The following ZNF136 variants were observed in gnomAD, a reference collection of about 807,000 sequenced individuals.
ZNF136 encodes zinc finger protein 136 (clone pHZ-20).
Under a neutral mutation model 11.4 loss-of-function variants are expected in ZNF136, and 8 were observed. The ratio of observed to expected loss-of-function variants is 0.70; its 90% confidence interval spans 0.41 to 1.27. The LOEUF is 1.27. Ranked by LOEUF, ZNF136 falls within the 50% of genes most tolerant of loss-of-function variation. The pLI is 0.01. For synonymous variants in ZNF136, 190 were observed against 207.1 expected (o/e 0.92, Z 0.71); for missense variants, 590 against 656.5 (o/e 0.90, Z 1.11).
chr19:12,164,035 C>A (rs1243626911), intron 1 of ZNF136, among the ~76,000 whole-genome samples: 1 of 152,158 alleles, frequency 6.6e-6, no homozygotes, highest in Non-Finnish European at 1.5e-5. Context: ...CTGCCCACAG[C>A]TGCCAAGTCT....
At chr19:12,170,715 G>C (rs545356078) in intron 1 of ZNF136, among the ~76,000 whole-genome samples, 3 of 151,374 alleles carry the variant, frequency 2.0e-5, no homozygotes, top group East Asian at 3.9e-4. Flanking sequence ...GCCAGGCCAG[G>C]CTGGAGTGCA....
rs548350866 is a variant in ZNF136, at chr19:12,168,413, G to A, written c.3+5207G>A. ...GATCACAGTAAAGGGGGAGAGGCTGGATATTGAGTTCTGTTAATGTAAAAA... is the reference window on the plus strand; with the variant it reads ...GATCACAGTAAAGGGGGAGAGGCTGAATATTGAGTTCTGTTAATGTAAAAA... On this transcript the variant is annotated intron_variant, in intron 1 of 3. Transcript: ENST00000343979. Among the ~76,000 whole-genome samples the A allele has an allele frequency of 8.5e-5, 13 of 152,150 alleles. 1 individual carries two copies. The South Asian group carries it at 2.7e-3, about 32-fold the overall frequency.
rs200576697 is a variant in ZNF136 at position 12,183,147 on chromosome 19, GT to G, written c.4-2629del. ...ATTTTGTTGTTGTTGTTGTTGTTTTGTTTTTTTTTGGTTTGTTTGTTTGAGA... is the reference window on the plus strand; with the variant it reads ...ATTTTGTTGTTGTTGTTGTTGTTTTGTTTTTTTTGGTTTGTTTGTTTGAGA... On this transcript the variant is annotated intron_variant, in intron 1 of 3. Transcript: ENST00000343979. Among the ~76,000 whole-genome samples, 31 of 149,416 alleles carry G rather than the reference GT, an allele frequency of 2.1e-4. No homozygotes were observed. In the East Asian group the frequency reaches 5.9e-3, roughly 28 times the overall value.
chr19:12,187,215 C>G lies in ZNF136; in HGVS notation c.837C>G (p.Pro279=). Residue 279 remains proline, a synonymous_variant, in exon 4 of 4, where the codon CCC becomes CCG. Transcript: ENST00000343979. ...AAAGAATTCACACTGGAGAAAAACC[C>G]TTTAAATGTAAGCAATGTGGTAAAG... The part of the protein sequence containing the change: ...VHERIHTGEK[P]FKCKQCGKAF... The G allele has an allele frequency of 6.2e-7, 1 of 1,612,724 alleles. No individual in the cohort carries two copies. Among genetic ancestry groups the G allele is most frequent in the Non-Finnish European group, 8.5e-7 (1 of 1,179,650 alleles).
rs1190120558 is a variant in ZNF136, at chr19:12,188,952, T to C, written c.*951T>C. The C allele has an allele frequency of 1.3e-5, 2 of 152,238 alleles. No homozygotes were observed. The highest frequency in any genetic ancestry group is 4.8e-5 in the African/African-American group (2 of 41,462). 9.4% of individuals were successfully genotyped at this position (152,238 alleles called of 1,614,324 possible). On this transcript the variant is annotated 3_prime_UTR_variant, in exon 4 of 4. Transcript: ENST00000343979. ...TATGTATATTTTGTTAATTAGTGGC[T>C]CATATTTAAAATAGTTCTCTGACTA...
chr19:12,186,045 G>A, intron 2 of ZNF136, 69 bp from the exon 3 acceptor site: 1 of 1,591,676 alleles, frequency 6.3e-7, no homozygotes, highest in Non-Finnish European at 8.6e-7. Flanking sequence ...AGGGTATCAT[G>A]AACCTAGAAT....
intron 1 of ZNF136, among the ~76,000 whole-genome samples, chr19:12,164,379 C>G (rs1977155587): frequency 6.6e-6 from 1 of 151,826 alleles, no homozygotes; most frequent in Non-Finnish European, 1.5e-5. Context: ...TCAAGCGATT[C>G]TCCTGCCTCA....
intron 1 of ZNF136, among the ~76,000 whole-genome samples, chr19:12,173,833 A>C (rs975801357): frequency 6.6e-6 from 1 of 151,916 alleles, no homozygotes; most frequent in African/African-American, 2.4e-5. Flanking sequence ...TGCTGTCCCC[A>C]GGTAGATAGC....
intron 1 of ZNF136, chr19:12,184,748 A>T (rs1434685294): frequency 6.6e-6 from 1 of 152,138 alleles, no homozygotes; most frequent in African/African-American, 2.4e-5. Flanking sequence ...CTGGGGGCTC[A>T]TCAGGTGGGC....
intron 1 of ZNF136, among the ~76,000 whole-genome samples, chr19:12,180,549 C>T (rs1368339035): frequency 1.3e-5 from 2 of 151,924 alleles, no homozygotes; most frequent in Admixed American, 6.6e-5. Flanking sequence ...TGAGATAATA[C>T]GGAAGCTGAG....
chr19:12,168,879 T>A (rs957296086), intron 1 of ZNF136, among the ~76,000 whole-genome samples: 7 of 152,080 alleles, frequency 4.6e-5, no homozygotes, highest in Non-Finnish European at 1.0e-4. Flanking sequence ...GGTTTTACCA[T>A]GTTGGCCACG....
intron 1 of ZNF136, among the ~76,000 whole-genome samples, chr19:12,182,283 G>C (rs1041258667): frequency 4.6e-5 from 7 of 151,920 alleles, no homozygotes; most frequent in African/African-American, 1.7e-4. Flanking sequence ...ACCCTTATCA[G>C]AATGCCTTTG....
At chr19:12,166,972 A>G (rs553816652) in intron 1 of ZNF136, among the ~76,000 whole-genome samples, 20 of 152,368 alleles carry the variant, frequency 1.3e-4, no homozygotes, top group African/African-American at 4.8e-4. Flanking sequence ...AAGATCTGCA[A>G]AGATCTGAAA....
intron 1 of ZNF136, among the ~76,000 whole-genome samples, chr19:12,168,012 G>C (rs17001828): frequency 7.3e-6 from 1 of 136,994 alleles, no homozygotes; most frequent in African/African-American, 2.6e-5. Flanking sequence ...AAAAAATAAA[G>C]CCAGATACTG....
At chr19:12,165,533 A>G (rs766795068) in intron 1 of ZNF136, among the ~76,000 whole-genome samples, 33 of 152,296 alleles carry the variant, frequency 2.2e-4, no homozygotes, top group Non-Finnish European at 4.3e-4. Flanking sequence ...AACGGCTTGT[A>G]TCTGTATTTC....
At position 12,177,404 on chromosome 19, in the gene ZNF136, G is replaced by A. The variant is rs140710287; in HGVS notation, c.4-8381G>A. 1.9e-4 allele frequency among the ~76,000 whole-genome samples: 29 copies of A among 152,262 alleles called. 1 individual carries two copies. The highest frequency in any genetic ancestry group is 6.3e-4 in the African/African-American group (26 of 41,550). Reference sequence around the variant, plus strand: ...GTAGCCCAGGCTGAAGTGCAGTGGCGCGATCTCGGCTCACTACAACCTCTA... The same window carrying A: ...GTAGCCCAGGCTGAAGTGCAGTGGCACGATCTCGGCTCACTACAACCTCTA... On this transcript the variant is annotated intron_variant, in intron 1 of 3. Transcript: ENST00000343979.
chr19:12,171,974 CTCTCTT>C (rs1914665163), intron 1 of ZNF136, among the ~76,000 whole-genome samples: 4 of 148,170 alleles, frequency 2.7e-5, no homozygotes, highest in Non-Finnish European at 4.5e-5. Context: ...TTTTCTCTCT[CTCTCTT>C]TTTTTTTTTT....
At chr19:12,175,955 A>G (rs1914779764) in intron 1 of ZNF136, among the ~76,000 whole-genome samples, 1 of 152,014 alleles carries the variant, frequency 6.6e-6, no homozygotes, top group Non-Finnish European at 1.5e-5. Context: ...CGGGCATGTG[A>G]TCATGAAATT....
chr19:12,183,710 C>T (rs989948436), intron 1 of ZNF136, among the ~76,000 whole-genome samples: 5 of 152,142 alleles, frequency 3.3e-5, no homozygotes, highest in Admixed American at 6.5e-5. Context: ...GCAGTCCTCT[C>T]ACCTCAGCCT....
Sources: allele counts gnomAD v4.1 joint callset (sites outside exome capture counted in the v4.1 genomes callset), GRCh38; gene constraint gnomAD v4.1.1; transcripts MANE v1.5; gene names NCBI Gene and HGNC (gene_info 2026-07-23, HGNC 2026-07-21).